The following TJP3 variants were observed in gnomAD, a reference collection of about 807,000 sequenced individuals.
TJP3 encodes tight junction protein ZO-3.
Under a neutral mutation model 104.2 loss-of-function variants are expected in TJP3, and 85 were observed. The observed-to-expected ratio is 0.82, with a 90% CI of 0.68 to 0.98. The LOEUF (loss-of-function observed/expected upper bound fraction) is 0.98. Ranked by LOEUF, TJP3 falls within the 50% of genes least tolerant of loss-of-function variation. The probability of loss-of-function intolerance (pLI) is 0.00; values close to 1 mark genes in which losing one functional copy is unlikely to be tolerated. For synonymous variants in TJP3, 550 were observed against 550.6 expected, an observed-to-expected ratio of 1.00 and a Z score of 0.02; for missense variants, 1,367 against 1,322.8, an observed-to-expected ratio of 1.03 and a Z score of -0.52.
intron 14 of TJP3, among the ~76,000 whole-genome samples, chr19:3,742,570 G>A: frequency 6.8e-6 from 1 of 146,246 alleles, no homozygotes; most frequent in Non-Finnish European, 1.5e-5. Flanking sequence ...CCGGGACAGG[G>A]GTGGGTGGAT....
At chr19:3,717,891 A>G (rs1235866888) in intron 1 of TJP3, among the ~76,000 whole-genome samples, 4 of 146,150 alleles carry the variant, frequency 2.7e-5, no homozygotes, top group Admixed American at 7.0e-5. Flanking sequence ...CTGGGAGTAC[A>G]GGCAAGTGCC....
At chr19:3,721,961 G>T in intron 1 of TJP3, 5 of 1,065,392 alleles carry the variant, frequency 4.7e-6, no homozygotes, top group Non-Finnish European at 6.0e-6. Context: ...CTGAGGTGGG[G>T]TGGGGGGAAA....
At chr19:3,733,665 G>C (rs2036700288) in intron 6 of TJP3, 88 bp from the exon 7 acceptor site, 2 of 1,555,844 alleles carry the variant, frequency 1.3e-6, no homozygotes, top group Non-Finnish European at 1.8e-6. Flanking sequence ...GGAATTGTCT[G>C]TTTCAAGTTC....
chr19:3,710,195 G>C (rs968431649), intron 1 of TJP3, among the ~76,000 whole-genome samples: 13 of 150,740 alleles, frequency 8.6e-5, no homozygotes, highest in African/African-American at 2.9e-4. Flanking sequence ...AGTCACCAAG[G>C]CACAGGGCTG....
chr19:3,728,757 G>A, intron 3 of TJP3, 44 bp downstream of exon 3: 2 of 1,598,598 alleles, frequency 1.3e-6, no homozygotes, highest in South Asian at 1.1e-5. Context: ...AGGGCACGTG[G>A]AGAGGAGAAA....
rs376102390 is a variant in TJP3 at position 3,736,190 on chromosome 19, C to T, written c.1153C>T (p.Arg385Cys). The T allele has an allele frequency of 3.6e-5, 58 of 1,598,116 alleles. No individual in the cohort carries two copies. The highest frequency in any genetic ancestry group is 9.0e-5 in the East Asian group (4 of 44,624). The change falls in exon 11 of 21, where the codon CGC becomes TGC. Residue 385 changes from arginine (R) to cysteine (C), a missense_variant. Coordinates refer to ENST00000541714, the MANE Select transcript of TJP3 (RefSeq NM_001267560.2). ...GTACAGCCCCGACACGCGTGTGGTC[C>T]GCTTCCTCAAGGGCAAGAGCATCGG... ...RGYSPDTRVV[R>C]FLKGKSIGLR... is the part of the protein sequence containing the mutation.
chr19:3,722,799 C>A (rs2145673027), intron 1 of TJP3, among the ~76,000 whole-genome samples: 1 of 131,768 alleles, frequency 7.6e-6, no homozygotes, highest in African/African-American at 2.8e-5. Context: ...CCTCCCCAAT[C>A]GGTGTATTTG....
chr19:3,734,620 T>G (rs955919450), intron 8 of TJP3, among the ~76,000 whole-genome samples, 185 bp downstream of exon 8: 2 of 152,198 alleles, frequency 1.3e-5, no homozygotes, highest in African/African-American at 4.8e-5. Flanking sequence ...TGTCCGCATT[T>G]GTAGGTGTTG....
At chr19:3,733,974 C>T in intron 7 of TJP3, 62 bp downstream of exon 7, 1 of 1,571,096 alleles carries the variant, frequency 6.4e-7, no homozygotes. Flanking sequence ...AGGTGGGAAG[C>T]CCCAGGCAGG....
At chr19:3,718,433 T>A (rs970046901) in intron 1 of TJP3, among the ~76,000 whole-genome samples, 1 of 144,110 alleles carries the variant, frequency 6.9e-6, no homozygotes, top group African/African-American at 2.6e-5. Context: ...AGGACAGGAA[T>A]GCAGCATTTT....
chr19:3,718,265 G>A (rs1449565330), intron 1 of TJP3, among the ~76,000 whole-genome samples: 1 of 132,372 alleles, frequency 7.6e-6, no homozygotes, highest in Non-Finnish European at 1.6e-5. Context: ...GTCTGTGTGT[G>A]TGTAGAGATG....
intron 6 of TJP3, among the ~76,000 whole-genome samples, chr19:3,732,754 CCCG>C (rs993980989): frequency 6.6e-6 from 1 of 152,098 alleles, no homozygotes; most frequent in Non-Finnish European, 1.5e-5. Context: ...GGTGATCCCC[CCCG>C]CTCGGCCTCC....
chr19:3,735,715 G>C, intron 9 of TJP3, 76 bp downstream of exon 9: 5 of 1,603,476 alleles, frequency 3.1e-6, no homozygotes, highest in Non-Finnish European at 3.4e-6. Context: ...GGCAGAGCTG[G>C]GGGAGGTTGG....
intron 1 of TJP3, among the ~76,000 whole-genome samples, chr19:3,716,504 C>T (rs1262991581): frequency 6.7e-6 from 1 of 148,218 alleles, no homozygotes; most frequent in Non-Finnish European, 1.5e-5. Flanking sequence ...CACCATCTGG[C>T]CTCAGTTTTC....
intron 15 of TJP3, among the ~76,000 whole-genome samples, chr19:3,744,403 T>G (rs891635595): frequency 6.6e-6 from 1 of 152,050 alleles, no homozygotes; most frequent in Non-Finnish European, 1.5e-5. Flanking sequence ...CGGTGGCTCA[T>G]GCCTGTAATC....
intron 1 of TJP3, among the ~76,000 whole-genome samples, chr19:3,719,440 A>ATG (rs373866388): frequency 1.7e-3 from 260 of 150,530 alleles, no homozygotes; most frequent in Non-Finnish European, 2.8e-3. Flanking sequence ...TCTATAAAAT[A>ATG]TGTGTGTGTG....
chr19:3,717,981 C>T (rs1015228341), intron 1 of TJP3, among the ~76,000 whole-genome samples: 15 of 149,652 alleles, frequency 1.0e-4, no homozygotes, highest in African/African-American at 3.4e-4. Context: ...TTAGGGAGGC[C>T]GAGGGGGGCG....
intron 1 of TJP3, among the ~76,000 whole-genome samples, chr19:3,710,996 C>T (rs916198441): frequency 2.0e-4 from 30 of 149,820 alleles, no homozygotes; most frequent in African/African-American, 6.6e-4. Context: ...CTCCGCCTCC[C>T]GGGTTCACGC....
At chr19:3,744,577 T>C (rs996829642) in intron 15 of TJP3, among the ~76,000 whole-genome samples, 6 of 151,558 alleles carry the variant, frequency 4.0e-5, no homozygotes, top group African/African-American at 1.5e-4. Flanking sequence ...GGCAGGAGAA[T>C]TGCTTGAACC....
Sources: allele counts gnomAD v4.1 joint callset (sites outside exome capture counted in the v4.1 genomes callset), GRCh38; gene constraint gnomAD v4.1.1; transcripts MANE v1.5; gene names NCBI Gene and HGNC (gene_info 2026-07-23, HGNC 2026-07-21).